Variants in EML3 observed in about 807,000 individuals in gnomAD.
The protein encoded by EML3 is EMAP like 3, also known as echinoderm microtubule-associated protein-like 3.
A neutral mutation model predicts 106.7 loss-of-function variants in EML3; 53 were observed. The ratio of observed to expected loss-of-function variants is 0.50; its 90% CI spans 0.40 to 0.62. The LOEUF (loss-of-function observed/expected upper bound fraction) is 0.62, where lower values mean the gene tolerates loss of function less well. Among genes scored for constraint, EML3 ranks in the 20% least tolerant of loss-of-function variants. EML3 has a pLI of 0.00. For synonymous variants in EML3, 499 were observed against 489.6 expected (o/e 1.02, Z -0.25); for missense variants, 994 against 1,209.1 (o/e 0.82, Z 2.64).
At position 62,606,180 on chromosome 11, in the gene EML3, A is replaced by G. The variant is rs1942508041; in HGVS notation, c.1539T>C (p.His513=). 20 of 1,613,902 alleles carry G rather than the reference A, an allele frequency of 1.2e-5. No homozygotes were observed. The East Asian group carries it at 3.1e-4, about 25-fold the overall frequency. ...GACACAAGGCGAAGATAGAACCTTC[A>G]TGAGCGTGAGCCTGGGCCACAATCC... ...TYGIVAQAHA[H]EGSIFALCLR... is the part of the protein sequence containing the mutation. The change falls in exon 13 of 22, where the codon CAT becomes CAC. Residue 513 remains histidine, a synonymous_variant. Transcript: ENST00000394773.
In EML3 at chr11:62,607,792, G is replaced by A; in HGVS notation, c.1236C>T (p.Gly412=). The change falls in exon 11 of 22, where the codon GGC becomes GGT. Residue 412 remains glycine, a synonymous_variant. Transcript: ENST00000394773. ...KSTNDSVLAV[G]FNPRDSSCIV... is the part of the protein sequence containing the mutation. The stretch of plus-strand genomic sequence containing the variant: ...TGCAGCTGCTGTCACGAGGGTTGAA[G>A]CCAACGGCCAGGACTGAGTCATTTG... 1 of 1,614,020 alleles carries A rather than the reference G, an allele frequency of 6.2e-7. No individual in the cohort carries two copies. Among genetic ancestry groups the A allele is most frequent in the South Asian group, 1.1e-5 (1 of 91,074 alleles).
At chr11:62,604,916 T>TG (rs1335993041) in intron 16 of EML3, 197 bp downstream of exon 16, 2 of 444,726 alleles carry the variant, frequency 4.5e-6, no homozygotes, top group Non-Finnish European at 8.1e-6. Flanking sequence ...GACACTGGGT[T>TG]GGGGGAGGGG....
At chr11:62,604,844 C>T in intron 16 of EML3, 2 of 307,852 alleles carry the variant, frequency 6.5e-6, no homozygotes, top group East Asian at 6.7e-5. Context: ...GTCTATGCCC[C>T]TCCCATTCCC....
At position 62,605,989 on chromosome 11, in the gene EML3, TG is replaced by T. The variant is rs2134365448; in HGVS notation, c.1657-10del. ...CCGAAGTGCTCGGGAATCTGCAGAG[TG>T]GTAGCAGAATGTCAAGAGCCCACTG... is the stretch of plus-strand genomic sequence containing the variant. On this transcript the variant is annotated splice_polypyrimidine_tract_variant and intron_variant, in intron 13 of 21. Transcript: ENST00000394773. The surrounding 1 kb of genome is among the most constrained non-coding windows in gnomAD (Gnocchi z 5.2). The T allele has an allele frequency of 1.2e-6, 2 of 1,613,524 alleles. No individual in the cohort carries two copies. The highest frequency in any genetic ancestry group is 4.5e-5 in the East Asian group (2 of 44,870).
At position 62,602,798 on chromosome 11, in the gene EML3, G is replaced by A; in HGVS notation, c.2448C>T (p.Cys816=). The A allele has an allele frequency of 1.9e-6, 3 of 1,611,304 alleles. No homozygotes were observed. The highest frequency in any genetic ancestry group is 2.5e-6 in the Non-Finnish European group (3 of 1,179,274). Residue 816 remains cysteine, a synonymous_variant, in exon 21 of 22, where the codon TGC becomes TGT. Transcript: ENST00000394773. The part of the protein sequence containing the change: ...ERVVAVADDF[C]KVHLFQYPCA... ...ACGGGTACTGGAAGAGATGCACTTTGCAGAAGTCGTCGGCCACCGCCACCA... is the reference window on the plus strand; with the variant it reads ...ACGGGTACTGGAAGAGATGCACTTTACAGAAGTCGTCGGCCACCGCCACCA...
rs1298668018 is a variant in EML3 at position 62,609,082 on chromosome 11, G to A, written c.809C>T (p.Ser270Phe). ...DSRSNLFVLRSGEVVYFIACV... is the reference protein window; with the variant it reads ...DSRSNLFVLRFGEVVYFIACV... ...GGCGATAAAGTAGACCACCTCCCCA[G>A]AGCGCAACACAAACAGATTAGAGCG... Residue 270 changes from serine (S) to phenylalanine (F), a missense_variant, in exon 7 of 22, where the codon TCT (serine) becomes TTT (phenylalanine). By Grantham distance (155) the Ser-to-Phe change is radical (BLOSUM62 -2). Coordinates refer to ENST00000394773, the MANE Select transcript of EML3 (RefSeq NM_153265.3). The A allele has an allele frequency of 1.2e-6, 2 of 1,613,994 alleles. No individual in the cohort carries two copies. Among genetic ancestry groups the A allele is most frequent in the Non-Finnish European group, 1.7e-6 (2 of 1,180,028 alleles).
At chr11:62,611,637 C>T (rs772537901) in intron 1 of EML3, 41 bp from the exon 2 acceptor site, 55 of 1,580,976 alleles carry the variant, frequency 3.5e-5, no homozygotes, top group Non-Finnish European at 4.6e-5. Flanking sequence ...TACCCATCAC[C>T]TGAAGAAAGC....
intron 6 of EML3, 46 bp from the exon 7 acceptor site, chr11:62,609,178 G>C (rs368025402): frequency 3.7e-6 from 6 of 1,608,084 alleles, no homozygotes; most frequent in Admixed American, 1.7e-5. Context: ...TCAAGGGCAG[G>C]AGGAGGAAGA....
Position 62,605,990 on chromosome 11 carries a change from G to A in EML3, c.1657-10C>T, listed in dbSNP as rs781386660. On this transcript the variant is annotated splice_polypyrimidine_tract_variant and intron_variant, in intron 13 of 21. Transcript: ENST00000394773. The surrounding 1 kb of genome is among the most constrained non-coding windows in gnomAD (Gnocchi z 5.2). ...CGAAGTGCTCGGGAATCTGCAGAGT[G>A]GTAGCAGAATGTCAAGAGCCCACTG... 1.2e-6 allele frequency: 2 copies of A among 1,613,908 alleles called. No homozygotes were observed. Among genetic ancestry groups the A allele is most frequent in the East Asian group, 4.5e-5 (2 of 44,878 alleles).
rs1942811662 is a variant in EML3, at chr11:62,611,347, G to T, written c.195-3C>A. 1 of 1,613,196 alleles carries T rather than the reference G, an allele frequency of 6.2e-7. No homozygotes were observed. Among genetic ancestry groups the T allele is most frequent in the Non-Finnish European group, 8.5e-7 (1 of 1,179,858 alleles). On this transcript the variant is annotated splice_polypyrimidine_tract_variant and splice_region_variant and intron_variant, in intron 2 of 21. Transcript: ENST00000394773. The stretch of plus-strand genomic sequence containing the variant: ...GCAGTCCTGGGGGGGCTGCAAGACT[G>T]CTGGAGAGATGTTGAATTAACCTGA...
Position 62,609,496 on chromosome 11 carries a change from G to T in EML3, c.635-19C>A, listed in dbSNP as rs202240288. ...ATGCCTTCTACAGAGAAAAGGGGTG[G>T]TGTCAACTACCCCCTTCCAGGAAAG... On this transcript the variant is annotated intron_variant, in intron 5 of 21. Transcript: ENST00000394773. 7.2e-5 allele frequency: 111 copies of T among 1,550,422 alleles called. No homozygotes were observed. In the African/African-American group the frequency reaches 1.3e-3, roughly 19 times the overall value.
At position 62,609,206 on chromosome 11, in the gene EML3, T is replaced by C. The variant is rs941086248; in HGVS notation, c.759-74A>G. 1.3e-5 allele frequency: 20 copies of C among 1,595,738 alleles called. No homozygotes were observed. In the East Asian group the frequency reaches 4.5e-4, roughly 36 times the overall value. On this transcript the variant is annotated intron_variant, in intron 6 of 21. Transcript: ENST00000394773. ...GAGGAAGAGGGGAGAAAGACAGAGC[T>C]TCTGGCTGGCAGGGCCTAGAGCAGA...
rs1488776152 is a variant in EML3, at chr11:62,608,522, A to AGGCTT, written c.1110+15_1110+19dup. The AGGCTT allele has an allele frequency of 4.4e-6, 7 of 1,609,044 alleles. No individual in the cohort carries two copies. The South Asian group carries it at 7.7e-5, about 18-fold the overall frequency. ...TTCCTAGGCAAGAATGGGGGTCTAGAGGCTTCAGGGCCAGCTCACCGCAGC... is the reference window on the plus strand; with the variant it reads ...TTCCTAGGCAAGAATGGGGGTCTAGAGGCTTGGCTTCAGGGCCAGCTCACCGCAGC... On this transcript the variant is annotated intron_variant, in intron 9 of 21. Coordinates refer to ENST00000394773, the MANE Select transcript of EML3 (RefSeq NM_153265.3).
Position 62,605,245 on chromosome 11 carries a change from C to A in EML3, c.1915-65G>T. 1 of 1,535,546 alleles carries A rather than the reference C, an allele frequency of 6.5e-7. No individual in the cohort carries two copies. Among genetic ancestry groups the A allele is most frequent in the South Asian group, 1.2e-5 (1 of 84,852 alleles). On this transcript the variant is annotated intron_variant, in intron 15 of 21. Coordinates refer to ENST00000394773, the MANE Select transcript of EML3 (RefSeq NM_153265.3). The surrounding 1 kb of genome is among the most constrained non-coding windows in gnomAD (Gnocchi z 5.2). ...CTAGTGAGGGAACCAGAGTGAACCC[C>A]TTGTCCTCCTAACTTCAAAGCCACT... is the stretch of plus-strand genomic sequence containing the variant.
rs763270532 is a variant in EML3, at chr11:62,602,475, T to C, written c.2691A>G (p.Ter897TrpextTer35). 51 of 1,538,444 alleles carry C rather than the reference T, an allele frequency of 3.3e-5. No homozygotes were observed. The African/African-American group carries it at 5.0e-4, about 15-fold the overall frequency. The change falls in exon 22 of 22, where the codon TGA (stop) becomes TGG (tryptophan). Residue 897 changes from the stop codon to tryptophan, a stop_lost. Coordinates refer to ENST00000394773, the MANE Select transcript of EML3 (RefSeq NM_153265.3). ...SLSPASSLDV[*>W] ...GCCAGTCGGTCCCGCCAGGCAGCGA[T>C]CAAACGTCGAGGGAGGAGGCGGGGG...
rs1441996159 is a variant in EML3, at chr11:62,602,831, G to A, written c.2415C>T (p.Asn805=). Reference sequence around the variant, plus strand: ...CGTCGGCCACCGCCACCACGCGCTCGTTGTGGGAGCGGCACAGGGAGTTGA... The same window carrying A: ...CGTCGGCCACCGCCACCACGCGCTCATTGTGGGAGCGGCACAGGGAGTTGA... The part of the protein sequence containing the change: ...TDINSLCRSH[N]ERVVAVADDF... Residue 805 remains asparagine, a synonymous_variant, in exon 21 of 22, where the codon AAC becomes AAT. Coordinates refer to ENST00000394773, the MANE Select transcript of EML3 (RefSeq NM_153265.3). The A allele has an allele frequency of 3.1e-6, 5 of 1,607,460 alleles. No individual in the cohort carries two copies. Among genetic ancestry groups the A allele is most frequent in the African/African-American group, 1.3e-5 (1 of 74,826 alleles).
chr11:62,611,434 G>T lies in EML3; in HGVS notation c.185C>A (p.Pro62Gln), dbSNP rs760568498. 6.2e-7 allele frequency: 1 copy of T among 1,613,610 alleles called. No homozygotes were observed. Among genetic ancestry groups the T allele is most frequent in the Admixed American group, 1.7e-5 (1 of 59,958 alleles). ...GTGATGACATGCATACCTGTCCCCCGGAGGAGCTGGTGTGCCAGAGCCCTG... is the reference window on the plus strand; with the variant it reads ...GTGATGACATGCATACCTGTCCCCCTGAGGAGCTGGTGTGCCAGAGCCCTG... Reference protein sequence around the residue: ...SLQGSGTPAPPGDSLAAPPGL... With the variant: ...SLQGSGTPAPQGDSLAAPPGL... Residue 62 changes from proline (P) to glutamine (Q), a missense_variant, in exon 2 of 22, where the codon CCG becomes CAG. Coordinates refer to ENST00000394773, the MANE Select transcript of EML3 (RefSeq NM_153265.3).
chr11:62,610,068 C>T (rs1942735068), intron 4 of EML3, among the ~76,000 whole-genome samples: 1 of 152,240 alleles, frequency 6.6e-6, no homozygotes, highest in Non-Finnish European at 1.5e-5. Context: ...AGCAATTCTC[C>T]TGCCTTAGCC....
rs575515508 is a variant in EML3, at chr11:62,602,541, C to T, written c.2625G>A (p.Ala875=). The T allele has an allele frequency of 6.7e-7, 1 of 1,489,836 alleles. No homozygotes were observed. Among genetic ancestry groups the T allele is most frequent in the East Asian group, 2.5e-5 (1 of 40,086 alleles). 92.3% of individuals were successfully genotyped at this position (1,489,836 alleles called of 1,614,324 possible). The stretch of plus-strand genomic sequence containing the variant: ...GAGAGGGCGTGGCGGGCGCCGGCCC[C>T]GCGCCCCCAGCGCCCAGCACTCGCC... ...FQWRVLGAGG[A]GPAPATPSRT... Residue 875 remains alanine (A), a synonymous_variant, in exon 22 of 22, where the codon GCG becomes GCA. Coordinates refer to ENST00000394773, the MANE Select transcript of EML3 (RefSeq NM_153265.3).
Sources: gnomAD v4.1 joint callset for allele counts (sites outside exome capture counted in the v4.1 genomes callset) on GRCh38, gnomAD v4.1.1 for gene constraint, Gnocchi (gnomAD v3.1) non-coding constraint, MANE v1.5 for transcripts, NCBI Gene and HGNC (gene_info 2026-07-23, HGNC 2026-07-21) for gene names.